BAIAP2L2: variants seen among roughly 807,000 people sequenced by gnomAD.
The protein encoded by BAIAP2L2 is BAR/IMD domain containing adaptor protein 2 like 2.
BAIAP2L2 carries 65 observed loss-of-function variants against 60.4 expected under a neutral mutation model. That is an observed-to-expected ratio of 1.08 (90% CI 0.88 to 1.32). The LOEUF is 1.32. BAIAP2L2 is among the 40% of genes most tolerant of loss of function. The pLI is 0.00. For synonymous variants in BAIAP2L2, 344 were observed against 301.7 expected (o/e 1.14, Z -1.45); for missense variants, 836 against 741.2 (o/e 1.13, Z -1.48).
chr22:38,097,299 C>T (rs1168617925), intron 6 of BAIAP2L2, 121 bp from the exon 7 acceptor site: 11 of 1,053,340 alleles, frequency 1.0e-5, no homozygotes, highest in South Asian at 6.2e-5. Context: ...CCCAAGCCCA[C>T]CCCCCATCAC....
Position 38,089,668 on chromosome 22 carries a change from C to T in BAIAP2L2, c.619G>A (p.Gly207Arg). ...TFLQFFGRAR[G>R]MLQNRVLLWK... ...AGCAGCACGCGGTTCTGGAGCATCC[C>T]CCGGGCCTGGCCGGGCGGGGACACG... Residue 207 changes from glycine (G) to arginine (R), a missense_variant, in exon 8 of 14, where the codon GGG (glycine) becomes AGG (arginine). Gly to Arg is a moderately radical substitution (Grantham distance 125). Transcript: ENST00000381669. 8.1e-7 allele frequency: 1 copy of T among 1,230,640 alleles called. No individual in the cohort carries two copies. 76.2% of individuals were successfully genotyped at this position (1,230,640 alleles called of 1,614,324 possible).
At chr22:38,108,226 T>C in intron 3 of BAIAP2L2, 29 bp downstream of exon 3, 2 of 1,597,280 alleles carry the variant, frequency 1.3e-6, no homozygotes, top group Non-Finnish European at 1.7e-6. Flanking sequence ...GGCCCAAGAA[T>C]GGGGTCTGCT....
intron 7 of BAIAP2L2, chr22:38,094,033 T>C (rs1191882026): frequency 2.2e-6 from 1 of 455,368 alleles, no homozygotes; most frequent in Non-Finnish European, 4.4e-6. Flanking sequence ...TATCCAGCAG[T>C]GAAAAGGAAG....
At chr22:38,106,705 C>T (rs904305976) in intron 4 of BAIAP2L2, among the ~76,000 whole-genome samples, 5 of 152,302 alleles carry the variant, frequency 3.3e-5, no homozygotes, top group Non-Finnish European at 5.9e-5. Context: ...CCCACCCCAC[C>T]TCTCCCACTC....
chr22:38,087,409 G>T, intron 10 of BAIAP2L2, 145 bp from the exon 11 acceptor site: 1 of 948,032 alleles, frequency 1.1e-6, no homozygotes, highest in Non-Finnish European at 1.6e-6. Flanking sequence ...GTTTACTTCT[G>T]TTTTCACCTG....
At chr22:38,092,568 C>T (rs2086331239) in intron 7 of BAIAP2L2, among the ~76,000 whole-genome samples, 1 of 152,134 alleles carries the variant, frequency 6.6e-6, no homozygotes, top group South Asian at 2.1e-4. Context: ...TGAGCCACCA[C>T]GCCCACCCCA....
chr22:38,087,321 C>A, intron 10 of BAIAP2L2, 57 bp from the exon 11 acceptor site: 1 of 1,558,170 alleles, frequency 6.4e-7, no homozygotes, highest in Non-Finnish European at 8.6e-7. Context: ...GGGACAATGA[C>A]CAAAAGAAGA....
chr22:38,104,628 T>C (rs915164757), intron 4 of BAIAP2L2, among the ~76,000 whole-genome samples: 2 of 151,814 alleles, frequency 1.3e-5, no homozygotes, highest in Non-Finnish European at 2.9e-5. Context: ...CCCGAGTAGC[T>C]GGGACTACAG....
In BAIAP2L2 at chr22:38,086,305, A is replaced by G. The variant is rs1349309262; in HGVS notation, c.1404T>C (p.Pro468=). The change falls in exon 12 of 14, where the codon CCT becomes CCC. Residue 468 remains proline, a synonymous_variant. Coordinates refer to ENST00000381669, the MANE Select transcript of BAIAP2L2 (RefSeq NM_025045.6). The part of the protein sequence containing the change: ...RVPSRAPSPA[P]PPLPSSRRSS... ...TGCGGCGGCTGCTGGGCAAGGGTGG[A>G]GGTGCAGGGCTGGGGGCACGGCTTG... 1 of 1,587,424 alleles carries G rather than the reference A, an allele frequency of 6.3e-7. No homozygotes were observed. Among genetic ancestry groups the G allele is most frequent in the Admixed American group, 1.7e-5 (1 of 57,846 alleles).
Position 38,085,679 on chromosome 22 carries a change from G to C in BAIAP2L2, c.1514+7C>G. On this transcript the variant is annotated splice_region_variant and intron_variant, in intron 13 of 13. Transcript: ENST00000381669. ...CTCACTGTTTGGGCCCCCATGTGAG[G>C]ACTCACCTCGGGAAGAGCTCCTGTG... The C allele has an allele frequency of 6.2e-7, 1 of 1,613,138 alleles. No individual in the cohort carries two copies. The highest frequency in any genetic ancestry group is 8.5e-7 in the Non-Finnish European group (1 of 1,179,680).
At chr22:38,087,724 T>G (rs545082624) in intron 10 of BAIAP2L2, among the ~76,000 whole-genome samples, 2 of 151,044 alleles carry the variant, frequency 1.3e-5, no homozygotes, top group African/African-American at 2.4e-5. Context: ...TAACTATGAG[T>G]CCCTCCATAC....
At chr22:38,092,156 G>A (rs1470635622) in intron 7 of BAIAP2L2, among the ~76,000 whole-genome samples, 2 of 152,240 alleles carry the variant, frequency 1.3e-5, no homozygotes, top group Admixed American at 6.5e-5. Flanking sequence ...TAAGGATGAG[G>A]TGGGAAGGCA....
chr22:38,102,183 C>T (rs1222531939), intron 4 of BAIAP2L2, among the ~76,000 whole-genome samples: 1 of 152,152 alleles, frequency 6.6e-6, no homozygotes, highest in Non-Finnish European at 1.5e-5. Context: ...CTGGTAAAGT[C>T]TGAAGGGGCT....
chr22:38,086,586 C>G, intron 11 of BAIAP2L2, 137 bp from the exon 12 acceptor site: 1 of 676,622 alleles, frequency 1.5e-6, no homozygotes, highest in Non-Finnish European at 2.4e-6. Flanking sequence ...AGACTGTTGA[C>G]CGGAGGGAGG....
rs559027683 is a variant in BAIAP2L2, at chr22:38,085,121, G to A, written c.*179C>T. The A allele has an allele frequency of 1.5e-4, 89 of 603,516 alleles. No individual in the cohort carries two copies. Among genetic ancestry groups the A allele is most frequent in the African/African-American group, 8.0e-4 (43 of 53,726 alleles). 37.4% of individuals were successfully genotyped at this position (603,516 alleles called of 1,614,324 possible). On this transcript the variant is annotated 3_prime_UTR_variant, in exon 14 of 14. Coordinates refer to ENST00000381669, the MANE Select transcript of BAIAP2L2 (RefSeq NM_025045.6). ...CCGCCTGCTTTACTTTGAAGGTCTC[G>A]GACCCCAAGCCAGTGCTTTGGAGCT...
rs2086186600 is a variant in BAIAP2L2 at position 38,088,904 on chromosome 22, C to A, written c.962G>T (p.Gly321Val). 4 of 1,562,516 alleles carry A rather than the reference C, an allele frequency of 2.6e-6. No individual in the cohort carries two copies. The African/African-American group carries it at 5.4e-5, about 21-fold the overall frequency. Residue 321 changes from glycine (G) to valine (V), a missense_variant, in exon 10 of 14, where the codon GGC becomes GTC. Transcript: ENST00000381669. ...GACTCTCCTGGCGCCCCCGCCGCCGCCCGGGCGCTCGCCAAAGGAGTTGGA... is the reference window on the plus strand; with the variant it reads ...GACTCTCCTGGCGCCCCCGCCGCCGACCGGGCGCTCGCCAAAGGAGTTGGA... The part of the protein sequence containing the change: ...SRSNSFGERP[G>V]GGGGARRVRA...
intron 10 of BAIAP2L2, 30 bp downstream of exon 10, chr22:38,088,718 A>ATGGGG: frequency 1.2e-6 from 1 of 864,848 alleles, no homozygotes; most frequent in Non-Finnish European, 1.8e-6. Flanking sequence ...TTCTCAACCC[A>ATGGGG]CCCCCGGCCC....
intron 8 of BAIAP2L2, 32 bp from the exon 9 acceptor site, chr22:38,089,263 C>CGGGGG (rs1274367926): frequency 1.9e-4 from 4 of 20,970 alleles, no homozygotes; most frequent in Admixed American, 1.7e-3. Flanking sequence ...GAGGGTGGGG[C>CGGGGG]GGGGGGGGGG....
Position 38,085,278 on chromosome 22 carries a change from G to T in BAIAP2L2, c.*22C>A. On this transcript the variant is annotated 3_prime_UTR_variant, in exon 14 of 14. Coordinates refer to ENST00000381669, the MANE Select transcript of BAIAP2L2 (RefSeq NM_025045.6). ...ACAGCCCCTGGGCAGGTGCACTGTGGGGTACGACCTCGGACCCCGCCTCAG... is the reference window on the plus strand; with the variant it reads ...ACAGCCCCTGGGCAGGTGCACTGTGTGGTACGACCTCGGACCCCGCCTCAG... 6.2e-7 allele frequency: 1 copy of T among 1,611,020 alleles called. No individual in the cohort carries two copies. Among genetic ancestry groups the T allele is most frequent in the South Asian group, 1.1e-5 (1 of 90,900 alleles).
Sources: allele counts gnomAD v4.1 joint callset (sites outside exome capture counted in the v4.1 genomes callset), GRCh38; gene constraint gnomAD v4.1.1; transcripts MANE v1.5; gene names NCBI Gene and HGNC (gene_info 2026-07-23, HGNC 2026-07-21).